Variants in RTN3 observed in about 807,000 individuals in gnomAD.
The protein encoded by RTN3 is reticulon-3.
RTN3 carries 49 observed loss-of-function variants against 77.8 expected under a neutral mutation model. The ratio of observed to expected loss-of-function variants is 0.63; its 90% CI spans 0.50 to 0.80. The LOEUF (loss-of-function observed/expected upper bound fraction) is 0.80, where lower values mean the gene tolerates loss of function less well. Ranked by LOEUF, RTN3 falls within the 30% of genes least tolerant of loss-of-function variation. The pLI is 0.00. For synonymous variants in RTN3, 464 were observed against 446.9 expected (o/e 1.04, Z -0.48); for missense variants, 1,236 against 1,211.9 (o/e 1.02, Z -0.29).
chr11:63,685,999 C>A (rs150495059), intron 1 of RTN3, among the ~76,000 whole-genome samples: 4 of 152,168 alleles, frequency 2.6e-5, no homozygotes, highest in African/African-American at 9.6e-5. Context: ...AGATTTCTGC[C>A]TTTGAAGGAA....
chr11:63,703,784 C>T (rs192269235), intron 1 of RTN3, among the ~76,000 whole-genome samples: 16 of 151,754 alleles, frequency 1.1e-4, no homozygotes, highest in East Asian at 5.9e-4. Context: ...CCTCGTGATC[C>T]GCCTGCCTCA....
At chr11:63,702,678 T>G (rs1431937846) in intron 1 of RTN3, among the ~76,000 whole-genome samples, 1 of 146,348 alleles carries the variant, frequency 6.8e-6, no homozygotes, top group East Asian at 2.0e-4. Flanking sequence ...TTGTTTTTGT[T>G]TTTTTGTTTT....
Position 63,759,410 on chromosome 11 carries a change from G to A in RTN3, c.*1209G>A, listed in dbSNP as rs1185538914. The A allele has an allele frequency of 6.6e-6, 1 of 152,614 alleles. No homozygotes were observed. Among genetic ancestry groups the A allele is most frequent in the East Asian group, 1.9e-4 (1 of 5,204 alleles). The allele number at this position is 152,614 out of a possible 1,614,324, so 9.5% of individuals were successfully genotyped here. On this transcript the variant is annotated 3_prime_UTR_variant, in exon 9 of 9. Coordinates refer to ENST00000377819, the MANE Select transcript of RTN3 (RefSeq NM_001265589.2). The stretch of plus-strand genomic sequence containing the variant: ...TATTTGATGGTCCCAAAGTACGGCA[G>A]CTGCAAAAAGTAGTGGAAGGAAATT...
chr11:63,696,198 G>C (rs1941932093), intron 1 of RTN3, among the ~76,000 whole-genome samples: 1 of 149,052 alleles, frequency 6.7e-6, no homozygotes, highest in Non-Finnish European at 1.5e-5. Context: ...GACAGATCTT[G>C]AGGTCAGGAG....
At chr11:63,757,709 T>C (rs1053109757) in intron 8 of RTN3, among the ~76,000 whole-genome samples, 1 of 132,692 alleles carries the variant, frequency 7.5e-6, no homozygotes, top group African/African-American at 2.6e-5. Flanking sequence ...TTTGTTAACA[T>C]TTTTCTTTTT....
Position 63,717,676 on chromosome 11 carries a change from A to G in RTN3, c.200-1026A>G, listed in dbSNP as rs551731860. Among the ~76,000 whole-genome samples, 80 of 152,020 alleles carry G rather than the reference A, an allele frequency of 5.3e-4. 1 individual carries two copies. The highest frequency in any genetic ancestry group is 1.7e-3 in the African/African-American group (69 of 41,502). On this transcript the variant is annotated intron_variant, in intron 2 of 8. Transcript: ENST00000377819. ...AACTCTGTCTTAACCAAAGAAATCA[A>G]TTTGCACAGTACAATATTGATTTAA...
intron 3 of RTN3, among the ~76,000 whole-genome samples, chr11:63,732,374 C>A (rs1036186623): frequency 1.3e-5 from 2 of 151,862 alleles, no homozygotes; most frequent in African/African-American, 4.8e-5. Context: ...AATGGGGTCT[C>A]ATGTTGCTCG....
At chr11:63,716,793 G>A (rs906451230) in intron 2 of RTN3, among the ~76,000 whole-genome samples, 1 of 151,918 alleles carries the variant, frequency 6.6e-6, no homozygotes, top group Non-Finnish European at 1.5e-5. Flanking sequence ...GTGAAACCCC[G>A]TCTCTACTAA....
intron 1 of RTN3, among the ~76,000 whole-genome samples, chr11:63,692,760 C>CA (rs766616194): frequency 2.9e-3 from 353 of 120,128 alleles, no homozygotes; most frequent in Middle Eastern, 0.013. Flanking sequence ...GACTCCGTCT[C>CA]AAAAAAAAAA....
At position 63,735,602 on chromosome 11, in the gene RTN3, T is replaced by TCTCTCTC. The variant is rs1555078117; in HGVS notation, c.2531-14389_2531-14388insCTCTCTC. 7.9e-3 allele frequency among the ~76,000 whole-genome samples: 196 copies of TCTCTCTC among 24,918 alleles called. 1 individual carries two copies. The highest frequency in any genetic ancestry group is 0.014 in the Admixed American group (29 of 2,100). The allele number at this position is 24,918 out of a possible 152,430, so 16.3% of individuals were successfully genotyped here. On this transcript the variant is annotated intron_variant, in intron 3 of 8. Coordinates refer to ENST00000377819, the MANE Select transcript of RTN3 (RefSeq NM_001265589.2). ...TCTCTCTCTCTCTCTCTCTCTCTCT[T>TCTCTCTC]TCTTTCAACCCCTGTTTCCTGGGCT...
In RTN3 at chr11:63,754,699, C is replaced by CAAA. The variant is rs35847577; in HGVS notation, c.2994+1008_2994+1010dup. The stretch of plus-strand genomic sequence containing the variant: ...TGGATGACAGAGCAAGACTCCATCT[C>CAAA]AAAAAAAAAAAAAAAAAAACGCTTA... On this transcript the variant is annotated intron_variant, in intron 7 of 8. Coordinates refer to ENST00000377819, the MANE Select transcript of RTN3 (RefSeq NM_001265589.2). 2.6e-3 allele frequency among the ~76,000 whole-genome samples: 125 copies of CAAA among 48,826 alleles called. 2 individuals carry two copies. Among genetic ancestry groups the CAAA allele is most frequent in the African/African-American group, 8.7e-3 (113 of 12,974 alleles). The allele number at this position is 48,826 out of a possible 152,430, so 32.0% of individuals were successfully genotyped here. A position where few individuals can be genotyped will look rare whatever the true frequency, so the allele number is the denominator to read the frequency against.
At chr11:63,724,014 AAGAT>A (rs1490094241) in intron 3 of RTN3, among the ~76,000 whole-genome samples, 3 of 152,072 alleles carry the variant, frequency 2.0e-5, no homozygotes, top group Non-Finnish European at 4.4e-5. Context: ...TAGTGTAGTG[AAGAT>A]AGTTTTTTGT....
At chr11:63,735,219 A>G (rs758465328) in intron 3 of RTN3, among the ~76,000 whole-genome samples, 18 of 151,958 alleles carry the variant, frequency 1.2e-4, no homozygotes, top group Non-Finnish European at 1.9e-4. Flanking sequence ...CGAACTCCCA[A>G]CCTCAAGTGA....
At chr11:63,735,037 A>C (rs949408252) in intron 3 of RTN3, among the ~76,000 whole-genome samples, 20 of 152,114 alleles carry the variant, frequency 1.3e-4, no homozygotes, top group Admixed American at 6.5e-5. Flanking sequence ...ATAAAAAAAA[A>C]ACTTTTTTTG....
At chr11:63,740,013 A>C (rs905669382) in intron 3 of RTN3, among the ~76,000 whole-genome samples, 2 of 152,096 alleles carry the variant, frequency 1.3e-5, no homozygotes, top group Non-Finnish European at 1.5e-5. Flanking sequence ...AGATGCCTCA[A>C]AGTGATCCCT....
At position 63,703,549 on chromosome 11, in the gene RTN3, C is replaced by CT. The variant is rs776490087; in HGVS notation, c.143-1288dup. 2.8e-3 allele frequency among the ~76,000 whole-genome samples: 396 copies of CT among 142,140 alleles called. 1 individual carries two copies. Among genetic ancestry groups the CT allele is most frequent in the Middle Eastern group, 3.6e-3 (1 of 280 alleles). The allele number at this position is 142,140 out of a possible 152,430, so 93.2% of individuals were successfully genotyped here. A position where few individuals can be genotyped will look rare whatever the true frequency, so the allele number is the denominator to read the frequency against. ...ATATCTTCATACACATATTTTTTTTCTTTTTTTTTTTTTTGAGACGTCTCA... is the reference window on the plus strand; with the variant it reads ...ATATCTTCATACACATATTTTTTTTCTTTTTTTTTTTTTTTGAGACGTCTCA... On this transcript the variant is annotated intron_variant, in intron 1 of 8. Transcript: ENST00000377819.
intron 2 of RTN3, among the ~76,000 whole-genome samples, chr11:63,718,396 C>T (rs746997529): frequency 6.6e-6 from 1 of 152,162 alleles, no homozygotes; most frequent in South Asian, 2.1e-4. Context: ...CTCAATCTTA[C>T]CGCCCTTCTT....
At chr11:63,716,560 G>C (rs547590576) in intron 2 of RTN3, among the ~76,000 whole-genome samples, 2 of 152,364 alleles carry the variant, frequency 1.3e-5, no homozygotes, top group African/African-American at 2.4e-5. Context: ...GGTGGGCGTG[G>C]TGGCTCATGC....
At chr11:63,689,222 T>C (rs1391668463) in intron 1 of RTN3, among the ~76,000 whole-genome samples, 1 of 152,198 alleles carries the variant, frequency 6.6e-6, no homozygotes, top group African/African-American at 2.4e-5. Flanking sequence ...AAGTAAGCAC[T>C]CATAGTAAAA....
Sources: allele counts gnomAD v4.1 joint callset (sites outside exome capture counted in the v4.1 genomes callset), GRCh38; gene constraint gnomAD v4.1.1; transcripts MANE v1.5; gene names NCBI Gene and HGNC (gene_info 2026-07-23, HGNC 2026-07-21).